Variants in MAGI2 observed in about 807,000 individuals in gnomAD.
MAGI2 encodes the protein membrane-associated guanylate kinase, WW and PDZ domain-containing protein 2.
MAGI2 carries 35 observed loss-of-function variants against 133.3 expected under a neutral mutation model. The observed-to-expected ratio is 0.26, with a 90% CI of 0.20 to 0.35. MAGI2 has a LOEUF of 0.35. Among genes scored for constraint, MAGI2 ranks in the 10% least tolerant of loss-of-function variants. MAGI2 has a pLI of 1.00. For missense variants in MAGI2, 1,636 were observed against 1,863.4 expected (o/e 0.88, Z 2.25); for synonymous variants, 729 against 710.6 (o/e 1.03, Z -0.41).
At chr7:78,943,357 T>C (rs1292430152) in intron 2 of MAGI2, among the ~76,000 whole-genome samples, 2 of 152,160 alleles carry the variant, frequency 1.3e-5, no homozygotes, top group South Asian at 2.1e-4. Flanking sequence ...ATATGGGTTA[T>C]ACTTTCACAA....
intron 1 of MAGI2, among the ~76,000 whole-genome samples, chr7:79,295,516 T>G (rs1836861029): frequency 6.6e-6 from 1 of 152,106 alleles, no homozygotes; most frequent in Non-Finnish European, 1.5e-5. Context: ...GCTTTTCAAT[T>G]ACCTCTTTAA....
intron 2 of MAGI2, among the ~76,000 whole-genome samples, chr7:78,978,143 T>C (rs1804457517): frequency 6.6e-6 from 1 of 151,830 alleles, no homozygotes; most frequent in Non-Finnish European, 1.5e-5. Flanking sequence ...GGTCTTACTA[T>C]ATAATTTGGC....
chr7:78,901,916 T>A (rs1379622883), intron 2 of MAGI2, among the ~76,000 whole-genome samples: 1 of 152,068 alleles, frequency 6.6e-6, no homozygotes, highest in Non-Finnish European at 1.5e-5. Context: ...CAGATGGAAA[T>A]AAAGCCGATC....
At chr7:79,249,070 G>T (rs1453404187) in intron 1 of MAGI2, among the ~76,000 whole-genome samples, 1 of 151,980 alleles carries the variant, frequency 6.6e-6, no homozygotes, top group Non-Finnish European at 1.5e-5. Flanking sequence ...TACCATGTTG[G>T]ACAGGCTGTT....
intron 2 of MAGI2, among the ~76,000 whole-genome samples, chr7:78,691,858 T>C (rs969384998): frequency 1.3e-5 from 2 of 152,144 alleles, no homozygotes; most frequent in African/African-American, 4.8e-5. Context: ...TCCAATCTCA[T>C]AGAATGTACA....
intron 2 of MAGI2, among the ~76,000 whole-genome samples, chr7:78,956,645 T>C (rs1238100780): frequency 6.6e-6 from 1 of 152,214 alleles, no homozygotes; most frequent in Non-Finnish European, 1.5e-5. Context: ...AACTTCTGTG[T>C]CACACATGGA....
At position 78,345,946 on chromosome 7, in the gene MAGI2, G is replaced by A; in HGVS notation, c.1201C>T (p.Pro401Ser). 2.5e-6 allele frequency: 4 copies of A among 1,614,188 alleles called. No individual in the cohort carries two copies. The highest frequency in any genetic ancestry group is 3.4e-6 in the Non-Finnish European group (4 of 1,180,032). Residue 401 changes from proline (P) to serine (S), a missense_variant, in exon 8 of 22, where the codon CCC (proline) becomes TCC (serine). By Grantham distance (74) the Pro-to-Ser change is moderately conservative. This residue lies in a region of MAGI2 where 920 missense variants were observed against 1,093.5 expected (regional missense o/e 0.84). Coordinates refer to ENST00000354212, the MANE Select transcript of MAGI2 (RefSeq NM_012301.4). ...CCTCGGAAACCTGGGGCCTGCAGGGGCTTTGTTCCAAGTTCTGTGTGGGGC... is the reference window on the plus strand; with the variant it reads ...CCTCGGAAACCTGGGGCCTGCAGGGACTTTGTTCCAAGTTCTGTGTGGGGC... Reference protein sequence around the residue: ...NMPHTELGTKPLQAPGFREKP... With the variant: ...NMPHTELGTKSLQAPGFREKP...
chr7:78,331,326 A>G (rs1789171291), intron 9 of MAGI2, among the ~76,000 whole-genome samples: 1 of 94,972 alleles, frequency 1.1e-5, no homozygotes, highest in African/African-American at 4.5e-5. Context: ...TACCTATGTA[A>G]CAAACCTGCA....
intron 3 of MAGI2, among the ~76,000 whole-genome samples, chr7:78,624,278 A>T (rs964440418): frequency 2.6e-5 from 4 of 152,082 alleles, no homozygotes; most frequent in African/African-American, 9.7e-5. Flanking sequence ...GTTCACTCTG[A>T]TGATAGCTTC....
intron 1 of MAGI2, among the ~76,000 whole-genome samples, chr7:79,081,007 G>T (rs1381107289): frequency 6.6e-6 from 1 of 151,980 alleles, no homozygotes; most frequent in Non-Finnish European, 1.5e-5. Flanking sequence ...TTCCTATATG[G>T]TTTCCCATTG....
In MAGI2 at chr7:78,250,936, A is replaced by G. The variant is rs556076967; in HGVS notation, c.2047+5007T>C. 5.9e-5 allele frequency among the ~76,000 whole-genome samples: 9 copies of G among 152,226 alleles called. No homozygotes were observed. In the East Asian group the frequency reaches 1.7e-3, roughly 29 times the overall value. ...AAAGCCAGAGAAATATATCACATGA[A>G]AAGAAAACAACAGAAAAATCTTCCC... On this transcript the variant is annotated intron_variant, in intron 10 of 21. Coordinates refer to ENST00000354212, the MANE Select transcript of MAGI2 (RefSeq NM_012301.4).
intron 2 of MAGI2, among the ~76,000 whole-genome samples, chr7:78,754,702 A>G (rs1425991869): frequency 6.6e-6 from 1 of 152,224 alleles, no homozygotes; most frequent in Non-Finnish European, 1.5e-5. Context: ...TCTTTTGTGA[A>G]ATTAATTGGA....
At chr7:79,214,407 CTATATATA>C (rs1196193501) in intron 1 of MAGI2, among the ~76,000 whole-genome samples, 258 of 17,694 alleles carry the variant, frequency 0.015, 1 homozygote, top group Middle Eastern at 0.05. Context: ...CTCTCTCTCT[CTATATATA>C]TATATATATA....
At chr7:78,560,956 C>CA (rs1470017294) in intron 3 of MAGI2, among the ~76,000 whole-genome samples, 25 of 152,134 alleles carry the variant, frequency 1.6e-4, no homozygotes, top group Admixed American at 1.3e-4. Context: ...ATTATACACT[C>CA]AGGTGTCCTA....
chr7:78,221,629 TGCATATTC>T (rs1788837918), intron 10 of MAGI2, among the ~76,000 whole-genome samples: 1 of 152,140 alleles, frequency 6.6e-6, no homozygotes, highest in Admixed American at 6.5e-5. Flanking sequence ...TCATATTATT[TGCATATTC>T]ACATATTCAG....
chr7:78,703,687 C>T (rs1392808534), intron 2 of MAGI2, among the ~76,000 whole-genome samples: 1 of 151,996 alleles, frequency 6.6e-6, no homozygotes, highest in Non-Finnish European at 1.5e-5. Flanking sequence ...ATTTCTGATG[C>T]TATTTTTAAA....
At chr7:78,133,917 C>G (rs576949087) in intron 17 of MAGI2, among the ~76,000 whole-genome samples, 20 of 152,262 alleles carry the variant, frequency 1.3e-4, no homozygotes, top group Non-Finnish European at 2.1e-4. Flanking sequence ...TTCTTCCCCC[C>G]CCTTTTTTCC....
intron 1 of MAGI2, among the ~76,000 whole-genome samples, chr7:79,180,965 C>A (rs1189436170): frequency 6.6e-6 from 1 of 151,970 alleles, no homozygotes; most frequent in Non-Finnish European, 1.5e-5. Context: ...TCATGTCTCA[C>A]ATCCAGGTCA....
chr7:78,415,155 T>G (rs1798186615), intron 6 of MAGI2, among the ~76,000 whole-genome samples: 1 of 152,142 alleles, frequency 6.6e-6, no homozygotes, highest in African/African-American at 2.4e-5. Flanking sequence ...CCTTCCTTTA[T>G]GTTCAGCTCA....
Sources: allele counts gnomAD v4.1 joint callset (sites outside exome capture counted in the v4.1 genomes callset), GRCh38; gene constraint gnomAD v4.1.1; regional missense constraint gnomAD v4.1.1; transcripts MANE v1.5; gene names NCBI Gene and HGNC (gene_info 2026-07-23, HGNC 2026-07-21).